Variants in MYO1C observed in about 807,000 individuals in gnomAD.
MYO1C encodes unconventional myosin-Ic.
A neutral mutation model predicts 150.8 loss-of-function variants in MYO1C; 104 were observed. The observed-to-expected ratio is 0.69, with a 90% confidence interval of 0.59 to 0.81. MYO1C has a LOEUF of 0.81. Ranked by LOEUF, MYO1C falls within the 30% of genes least tolerant of loss-of-function variation. The pLI is 0.00. For synonymous variants in MYO1C, 663 were observed against 579.9 expected, an observed-to-expected ratio of 1.14 and a Z score of -2.06; for missense variants, 1,504 against 1,435.0, an observed-to-expected ratio of 1.05 and a Z score of -0.78.
chr17:1,467,989 G>A lies in MYO1C; in HGVS notation c.2895C>T (p.Thr965=), dbSNP rs747847563. 1.8e-5 allele frequency: 29 copies of A among 1,612,724 alleles called. No homozygotes were observed. Among genetic ancestry groups the A allele is most frequent in the Admixed American group, 5.0e-5 (3 of 59,800 alleles). Reference sequence around the variant, plus strand: ...CTGCAGCCCTGGACCCTGGCTGACCGGTCAGGTTGGCGTAATCAATCCTCT... The same window carrying A: ...CTGCAGCCCTGGACCCTGGCTGACCAGTCAGGTTGGCGTAATCAATCCTCT... The part of the protein sequence containing the change: ...VKQRIDYANL[T]GISVSSLSDS... The change falls in exon 28 of 32, where the codon ACC becomes ACT. Residue 965 remains threonine, a splice_region_variant and synonymous_variant. Transcript: ENST00000648651.
chr17:1,468,490 G>A lies in MYO1C; in HGVS notation c.2617C>T (p.Gln873Ter), dbSNP rs761605702. 5.6e-6 allele frequency: 9 copies of A among 1,613,496 alleles called. No individual in the cohort carries two copies. The highest frequency in any genetic ancestry group is 1.1e-5 in the South Asian group (1 of 91,052). Residue 873 changes from glutamine to a stop codon, truncating the protein, a stop_gained, in exon 26 of 32, where the codon CAG (glutamine) becomes TAG (stop). Coordinates refer to ENST00000648651, the MANE Select transcript of MYO1C (RefSeq NM_001080779.2). LOFTEE classifies it high-confidence loss of function. ...AAGATCTCACTAGCCACGGCCTTCT[G>A]CTGCAGCTGAGGAGACAAGGGGGGT... ...ISPEWKQQLQ[Q>*]KAVASEIFKG...
At chr17:1,486,212 C>T (rs1404334487) in intron 1 of MYO1C, 4 of 152,258 alleles carry the variant, frequency 2.6e-5, no homozygotes, top group Admixed American at 1.3e-4. Flanking sequence ...GGCCGGCGCG[C>T]CCGGCGGGCG....
intron 27 of MYO1C, 24 bp from the exon 28 acceptor site, chr17:1,468,147 G>C: frequency 6.2e-7 from 1 of 1,612,876 alleles, no homozygotes; most frequent in Non-Finnish European, 8.5e-7. Context: ...CCAGGCTGAA[G>C]GGGCTGGGGA....
At chr17:1,476,814 G>A (rs73976228) in intron 14 of MYO1C, among the ~76,000 whole-genome samples, 1,725 of 152,148 alleles carry the variant, frequency 0.011, 38 homozygotes, top group African/African-American at 0.039. Flanking sequence ...AGAAGAAGGA[G>A]GAAGCCAGGC....
chr17:1,465,559 C>T lies in MYO1C; in HGVS notation c.*167G>A. 2.7e-6 allele frequency: 2 copies of T among 728,796 alleles called. No homozygotes were observed. Among genetic ancestry groups the T allele is most frequent in the East Asian group, 3.1e-5 (1 of 32,476 alleles). 45.1% of individuals were successfully genotyped at this position (728,796 alleles called of 1,614,324 possible). ...GGCCCACTCCTGGGGTAGCTCCTGG[C>T]CCCTGCTGCTCCCTCAAGAGAGGGA... On this transcript the variant is annotated 3_prime_UTR_variant, in exon 32 of 32. Transcript: ENST00000648651.
intron 3 of MYO1C, among the ~76,000 whole-genome samples, chr17:1,483,303 G>A (rs2074576398): frequency 6.6e-6 from 1 of 151,860 alleles, no homozygotes; most frequent in South Asian, 2.1e-4. Flanking sequence ...TTAGGTGGAG[G>A]CTGGAGTCAC....
rs1334605492 is a variant in MYO1C, at chr17:1,478,763, T to C, written c.1093-28A>G. 3.7e-6 allele frequency: 6 copies of C among 1,612,202 alleles called. No homozygotes were observed. Among genetic ancestry groups the C allele is most frequent in the African/African-American group, 2.7e-5 (2 of 74,894 alleles). Reference sequence around the variant, plus strand: ...GTGGACGCAGCGTGAGACAAGGAGATGAATGCCACAGAGCCTGTGCATCCC... The same window carrying C: ...GTGGACGCAGCGTGAGACAAGGAGACGAATGCCACAGAGCCTGTGCATCCC... On this transcript the variant is annotated intron_variant, in intron 9 of 31. Transcript: ENST00000648651. This position sits in a 1 kb window ranked among gnomAD's most constrained non-coding sequence, Gnocchi z 6.3.
rs1598345546 is a variant in MYO1C, at chr17:1,484,011, C to G, written c.231+137G>C. 12 of 1,163,770 alleles carry G rather than the reference C, an allele frequency of 1.0e-5. No homozygotes were observed. The East Asian group carries it at 3.1e-4, about 30-fold the overall frequency. 72.1% of individuals were successfully genotyped at this position (1,163,770 alleles called of 1,614,324 possible). ...GAGCTGAGATCGCGCCACTGCACTCCAGCCTGGGCAACAAGAGTGAAACTG... is the reference window on the plus strand; with the variant it reads ...GAGCTGAGATCGCGCCACTGCACTCGAGCCTGGGCAACAAGAGTGAAACTG... On this transcript the variant is annotated intron_variant, in intron 2 of 31. Coordinates refer to ENST00000648651, the MANE Select transcript of MYO1C (RefSeq NM_001080779.2).
At position 1,478,677 on chromosome 17, in the gene MYO1C, G is replaced by T; in HGVS notation, c.1151C>A (p.Ala384Asp). 1.2e-6 allele frequency: 2 copies of T among 1,614,202 alleles called. No homozygotes were observed. Among genetic ancestry groups the T allele is most frequent in the Non-Finnish European group, 1.7e-6 (2 of 1,180,048 alleles). ...AAYARDALAK[A>D]VYSRTFTWLV... ...CCAGGTAAAAGTGCGGCTGTACACA[G>T]CCTTGGCGAGGGCGTCTCGTGCGTA... The change falls in exon 10 of 32, where the codon GCT (alanine) becomes GAT (aspartate). Residue 384 changes from alanine (A) to aspartate (D), a missense_variant. By Grantham distance (126) the Ala-to-Asp change is moderately radical. Transcript: ENST00000648651. This position sits in a 1 kb window ranked among gnomAD's most constrained non-coding sequence, Gnocchi z 6.3.
chr17:1,480,497 G>A lies in MYO1C; in HGVS notation c.906+30C>T, dbSNP rs769485731. ...AGGAGATTTTGGGGGTGTGACAGGA[G>A]GAAAGCGAGGGTCCCGGAAGAGGCC... On this transcript the variant is annotated intron_variant, in intron 7 of 31. Coordinates refer to ENST00000648651, the MANE Select transcript of MYO1C (RefSeq NM_001080779.2). The A allele has an allele frequency of 7.0e-6, 11 of 1,566,366 alleles. No homozygotes were observed. In the East Asian group the frequency reaches 1.8e-4, roughly 26 times the overall value.
At position 1,471,915 on chromosome 17, in the gene MYO1C, G is replaced by T. The variant is rs2074311006; in HGVS notation, c.2013C>A (p.Phe671Leu). Reference protein sequence around the residue: ...GFAYRRKYEAFLQRYKSLCPE... With the variant: ...GFAYRRKYEALLQRYKSLCPE... ...GCAGGACCTGCCCCCACCTTTGCAG[G>T]AAAGCTTCGTATTTGCGGCGATAGG... is the stretch of plus-strand genomic sequence containing the variant. Residue 671 changes from phenylalanine (F) to leucine (L), a missense_variant, in exon 19 of 32, where the codon TTC (phenylalanine) becomes TTA (leucine). Phe to Leu is a conservative substitution (Grantham distance 22). Coordinates refer to ENST00000648651, the MANE Select transcript of MYO1C (RefSeq NM_001080779.2). 1 of 1,613,972 alleles carries T rather than the reference G, an allele frequency of 6.2e-7. No homozygotes were observed. The highest frequency in any genetic ancestry group is 1.3e-5 in the African/African-American group (1 of 74,948).
At chr17:1,483,156 G>A in intron 3 of MYO1C, 97 bp from the exon 4 acceptor site, 1 of 1,224,694 alleles carries the variant, frequency 8.2e-7, no homozygotes, top group Non-Finnish European at 1.1e-6. Context: ...TCTTGTGGGA[G>A]TCGAATACAC....
At chr17:1,485,663 C>T (rs1210742672) in intron 1 of MYO1C, 18 of 1,208,456 alleles carry the variant, frequency 1.5e-5, no homozygotes, top group Middle Eastern at 3.2e-4. Context: ...GCCCGGGACC[C>T]CCCGCCCTGC....
rs2074211609 is a variant in MYO1C, at chr17:1,467,868, T to C, written c.2939A>G (p.His980Arg). The C allele has an allele frequency of 1.3e-6, 2 of 1,594,614 alleles. No homozygotes were observed. The highest frequency in any genetic ancestry group is 1.4e-5 in the African/African-American group (1 of 72,652). Residue 980 changes from histidine (H) to arginine (R), a missense_variant, in exon 29 of 32, where the codon CAT becomes CGT. Physicochemically the swap from His to Arg is conservative, Grantham distance 29. Transcript: ENST00000648651. ...SSLSDSLFVL[H>R]VQRADNKQKG... Reference sequence around the variant, plus strand: ...TTGCTTATTGTCCGCACGCTGTACATGAAGCACAAAAAGACTGTCGCTCAG... The same window carrying C: ...TTGCTTATTGTCCGCACGCTGTACACGAAGCACAAAAAGACTGTCGCTCAG...
At chr17:1,484,411 G>A in intron 1 of MYO1C, 108 bp from the exon 2 acceptor site, 2 of 1,333,728 alleles carry the variant, frequency 1.5e-6, no homozygotes. Flanking sequence ...GTGGACTCCG[G>A]GCTAGACACG....
At chr17:1,485,749 G>T in intron 1 of MYO1C, 4 of 1,112,592 alleles carry the variant, frequency 3.6e-6, no homozygotes, top group Non-Finnish European at 4.4e-6. Context: ...CGCTGCCCGC[G>T]CTCCGGGTCC....
intron 17 of MYO1C, among the ~76,000 whole-genome samples, chr17:1,472,846 AGCT>A (rs1311988218): frequency 6.7e-6 from 1 of 150,074 alleles, no homozygotes; most frequent in African/African-American, 2.5e-5. Context: ...ACTGAGGGGG[AGCT>A]GCTAAGTACT....
intron 25 of MYO1C, chr17:1,469,162 A>T (rs142640360): frequency 2.8e-6 from 1 of 362,266 alleles, no homozygotes; most frequent in East Asian, 7.0e-5. Flanking sequence ...GACCGGGGTA[A>T]ACAGAGTAGA....
chr17:1,475,510 G>T (rs1175707559), intron 14 of MYO1C, among the ~76,000 whole-genome samples: 1 of 152,236 alleles, frequency 6.6e-6, no homozygotes, highest in Non-Finnish European at 1.5e-5. Flanking sequence ...CTTGGCCAGG[G>T]CCACACAGTG....
Sources: allele counts gnomAD v4.1 joint callset (sites outside exome capture counted in the v4.1 genomes callset), GRCh38; gene constraint gnomAD v4.1.1; non-coding constraint Gnocchi (gnomAD v3.1); transcripts MANE v1.5; gene names NCBI Gene and HGNC (gene_info 2026-07-23, HGNC 2026-07-21).